Variants in SMYD3 observed in about 807,000 individuals in gnomAD.
SMYD3 encodes the protein SET and MYND domain containing 3, also known as histone-lysine N-methyltransferase SMYD3.
In SMYD3, 36 loss-of-function variants were observed where a neutral mutation model predicts 57.7. The ratio of observed to expected loss-of-function variants is 0.62; its 90% CI spans 0.48 to 0.82. SMYD3 has a LOEUF of 0.82. SMYD3 is among the 40% of genes least tolerant of loss of function. The probability of loss-of-function intolerance (pLI) is 0.00; values close to 1 mark genes in which losing one functional copy is unlikely to be tolerated. For synonymous variants in SMYD3, 211 were observed against 195.0 expected (o/e 1.08, Z -0.68); for missense variants, 515 against 538.8 (o/e 0.96, Z 0.44).
intron 5 of SMYD3, among the ~76,000 whole-genome samples, chr1:246,219,730 G>C (rs2063222631): frequency 6.6e-6 from 1 of 152,144 alleles, no homozygotes; most frequent in African/African-American, 2.4e-5. Flanking sequence ...GTGGTCACAG[G>C]CACTCCCAGC....
intron 1 of SMYD3, among the ~76,000 whole-genome samples, chr1:246,369,595 C>T (rs1221987373): frequency 6.6e-6 from 1 of 152,112 alleles, no homozygotes; most frequent in East Asian, 1.9e-4. Context: ...GGCACAAACA[C>T]AGCTCACTGA....
At chr1:246,331,695 T>G (rs2065464669) in intron 3 of SMYD3, among the ~76,000 whole-genome samples, 1 of 152,242 alleles carries the variant, frequency 6.6e-6, no homozygotes, top group African/African-American at 2.4e-5. Context: ...CACTTTATAG[T>G]GCTTTGCAGA....
chr1:245,822,507 C>A lies in SMYD3; in HGVS notation c.1076+35989G>T, dbSNP rs181264779. Among the ~76,000 whole-genome samples the A allele has an allele frequency of 5.7e-4, 86 of 150,912 alleles. No homozygotes were observed. The East Asian group carries it at 0.013, about 24-fold the overall frequency. Reference sequence around the variant, plus strand: ...GCACATGTATACATATGTAACTAACCTGCACAATGTGCACATGTACCCTAA... The same window carrying A: ...GCACATGTATACATATGTAACTAACATGCACAATGTGCACATGTACCCTAA... On this transcript the variant is annotated intron_variant, in intron 10 of 11. Coordinates refer to ENST00000490107, the MANE Select transcript of SMYD3 (RefSeq NM_001167740.2).
chr1:246,304,508 A>G (rs539968154), intron 5 of SMYD3, among the ~76,000 whole-genome samples: 9 of 152,232 alleles, frequency 5.9e-5, no homozygotes, highest in Non-Finnish European at 8.8e-5. Flanking sequence ...AATAGACTTC[A>G]ATGAATACAT....
At chr1:246,332,026 T>C (rs1451835086) in intron 3 of SMYD3, among the ~76,000 whole-genome samples, 1 of 152,218 alleles carries the variant, frequency 6.6e-6, no homozygotes, top group Admixed American at 6.5e-5. Context: ...CTCAGGCCTC[T>C]GTATTCTCTG....
chr1:246,030,493 T>C (rs2059651202), intron 5 of SMYD3, among the ~76,000 whole-genome samples: 1 of 152,176 alleles, frequency 6.6e-6, no homozygotes, highest in Non-Finnish European at 1.5e-5. Flanking sequence ...TTGCGTGTTC[T>C]GCAGCATTGT....
chr1:246,310,375 T>C (rs1259352528), intron 5 of SMYD3, among the ~76,000 whole-genome samples: 2 of 152,214 alleles, frequency 1.3e-5, no homozygotes, highest in East Asian at 1.9e-4. Context: ...ACTGGAGCTT[T>C]TAGCTCTTCC....
chr1:246,134,443 A>G (rs959202972), intron 5 of SMYD3, among the ~76,000 whole-genome samples: 2 of 152,132 alleles, frequency 1.3e-5, no homozygotes, highest in African/African-American at 4.8e-5. Context: ...TAAATTTTAT[A>G]CACTAAATTT....
chr1:246,040,231 T>C (rs1246406120), intron 5 of SMYD3, among the ~76,000 whole-genome samples: 1 of 152,182 alleles, frequency 6.6e-6, no homozygotes, highest in Non-Finnish European at 1.5e-5. Context: ...ACAACAAAGA[T>C]GAAAACAGAA....
At chr1:245,867,659 CGT>C (rs112357925) in intron 8 of SMYD3, among the ~76,000 whole-genome samples, 2,977 of 131,462 alleles carry the variant, frequency 0.023, 101 homozygotes, top group African/African-American at 0.079. Flanking sequence ...CGTGCGTGTG[CGT>C]GCGCGCGCAC....
At chr1:245,946,729 T>C (rs1475299024) in intron 5 of SMYD3, among the ~76,000 whole-genome samples, 3 of 152,188 alleles carry the variant, frequency 2.0e-5, no homozygotes, top group Non-Finnish European at 2.9e-5. Flanking sequence ...AAGGATAGAT[T>C]TGTTCATTCA....
chr1:246,167,191 G>A (rs1372368880), intron 5 of SMYD3, among the ~76,000 whole-genome samples: 5 of 152,168 alleles, frequency 3.3e-5, no homozygotes, highest in Non-Finnish European at 5.9e-5. Context: ...AACTAACAAC[G>A]AGCATTTTGG....
At chr1:245,910,113 G>A (rs900531710) in intron 8 of SMYD3, among the ~76,000 whole-genome samples, 2 of 152,042 alleles carry the variant, frequency 1.3e-5, no homozygotes, top group African/African-American at 2.4e-5. Flanking sequence ...TAAGTCGCAG[G>A]ATACAAAATC....
intron 1 of SMYD3, among the ~76,000 whole-genome samples, chr1:246,443,101 C>G (rs920254055): frequency 1.3e-5 from 2 of 152,170 alleles, no homozygotes; most frequent in Admixed American, 6.6e-5. Flanking sequence ...TTGTTTTACT[C>G]TCTTATGTAT....
intron 5 of SMYD3, among the ~76,000 whole-genome samples, chr1:246,190,396 C>T (rs1463405821): frequency 6.6e-6 from 1 of 151,920 alleles, no homozygotes; most frequent in African/African-American, 2.4e-5. Context: ...ACCAGTCTGG[C>T]CAATATGGTG....
At chr1:245,749,823 A>G (rs940537729) in intron 11 of SMYD3, among the ~76,000 whole-genome samples, 159 bp from the exon 12 acceptor site, 1 of 152,196 alleles carries the variant, frequency 6.6e-6, no homozygotes, top group East Asian at 1.9e-4. Context: ...TCCCAGCTGG[A>G]AAGTCACATG....
At chr1:246,035,266 C>T (rs1383040962) in intron 5 of SMYD3, 2 of 152,240 alleles carry the variant, frequency 1.3e-5, no homozygotes, top group African/African-American at 2.4e-5. Flanking sequence ...TCCACAGCCA[C>T]GTGTCTGAAG....
At chr1:246,128,999 T>C (rs57930261) in intron 5 of SMYD3, among the ~76,000 whole-genome samples, 3,255 of 152,146 alleles carry the variant, frequency 0.021, 154 homozygotes, top group East Asian at 0.16. Flanking sequence ...GGTTTTGCCA[T>C]GTTACTCAAG....
At chr1:245,773,538 T>G (rs1392158699) in intron 10 of SMYD3, among the ~76,000 whole-genome samples, 1 of 152,146 alleles carries the variant, frequency 6.6e-6, no homozygotes, top group Non-Finnish European at 1.5e-5. Flanking sequence ...GGCGCAGGGG[T>G]GAGGACTGGC....
Sources: gnomAD v4.1 joint callset for allele counts (sites outside exome capture counted in the v4.1 genomes callset) on GRCh38, gnomAD v4.1.1 for gene constraint, MANE v1.5 for transcripts, NCBI Gene and HGNC (gene_info 2026-07-23, HGNC 2026-07-21) for gene names.